PTGR1: variants seen among roughly 807,000 people sequenced by gnomAD.
The protein encoded by PTGR1 is 15-oxoprostaglandin 13-reductase.
In PTGR1, 23 loss-of-function variants were observed where a neutral mutation model predicts 37.7. The observed-to-expected ratio is 0.61, with a 90% CI of 0.44 to 0.86. The LOEUF is 0.86. Ranked by LOEUF, PTGR1 falls within the 40% of genes least tolerant of loss-of-function variation. The pLI, the probability that PTGR1 is intolerant of heterozygous loss-of-function variation, is 0.00. For missense variants in PTGR1, 351 were observed against 394.3 expected (o/e 0.89, Z 0.93); for synonymous variants, 134 against 140.0 (o/e 0.96, Z 0.30).
chr9:111,575,787 A>G (rs934593417), intron 7 of PTGR1, among the ~76,000 whole-genome samples: 3 of 152,234 alleles, frequency 2.0e-5, no homozygotes, highest in Non-Finnish European at 4.4e-5. Flanking sequence ...CTAAAACTAT[A>G]AAACTCTTAG....
chr9:111,591,584 G>C (rs1281944362), intron 4 of PTGR1, among the ~76,000 whole-genome samples: 1 of 151,668 alleles, frequency 6.6e-6, no homozygotes, highest in Non-Finnish European at 1.5e-5. Context: ...TGGCCAGGCT[G>C]GTCTCGAACT....
chr9:111,578,879 C>T lies in PTGR1; in HGVS notation c.568G>A (p.Val190Ile), dbSNP rs201572502. Residue 190 changes from valine to isoleucine, a missense_variant, in exon 7 of 10, where the codon GTC (valine) becomes ATC (isoleucine). Coordinates refer to ENST00000407693, the MANE Select transcript of PTGR1 (RefSeq NM_001146108.2). ...AYLQKLGFDV[V>I]FNYKTVESLE... ...GACTCTACCGTCTTGTAGTTAAAGA[C>T]GACATCAAATCCAAGCTTTTGAAGG... 6.5e-5 allele frequency: 105 copies of T among 1,612,096 alleles called. No individual in the cohort carries two copies. Among genetic ancestry groups the T allele is most frequent in the African/African-American group, 4.4e-4 (33 of 74,380 alleles).
intron 4 of PTGR1, 186 bp downstream of exon 4, chr9:111,592,740 C>T: frequency 2.8e-6 from 2 of 712,174 alleles, no homozygotes; most frequent in Non-Finnish European, 4.2e-6. Flanking sequence ...ATGACAATTT[C>T]ACATCCTTCC....
chr9:111,572,896 G>A (rs905148770), intron 8 of PTGR1, among the ~76,000 whole-genome samples: 5 of 151,888 alleles, frequency 3.3e-5, no homozygotes, highest in Non-Finnish European at 7.4e-5. Context: ...TTCTGGATTT[G>A]TGCGTGTTGA....
chr9:111,568,428 G>T (rs1828671063), intron 9 of PTGR1, among the ~76,000 whole-genome samples: 2 of 152,110 alleles, frequency 1.3e-5, no homozygotes, highest in African/African-American at 4.8e-5. Flanking sequence ...TGGTCAGACT[G>T]GTTCTCTGCT....
intron 1 of PTGR1, 112 bp from the exon 2 acceptor site, chr9:111,597,544 CATT>C: frequency 1.5e-6 from 1 of 645,302 alleles, no homozygotes; most frequent in Non-Finnish European, 2.7e-6. Context: ...CAAATCCCAT[CATT>C]ATCATATCAT....
intron 5 of PTGR1, among the ~76,000 whole-genome samples, chr9:111,584,123 T>C (rs924575754): frequency 6.6e-5 from 10 of 152,154 alleles, no homozygotes; most frequent in African/African-American, 2.4e-4. Flanking sequence ...ATGTCAAAGT[T>C]AGCTTGCAGG....
chr9:111,556,560 C>T (rs1012051978), intron 9 of PTGR1, among the ~76,000 whole-genome samples: 6 of 152,256 alleles, frequency 3.9e-5, no homozygotes, highest in Non-Finnish European at 7.3e-5. Context: ...TCCCAAACCT[C>T]AACTCTTGTC....
At chr9:111,580,040 G>GA (rs1453746104) in intron 6 of PTGR1, among the ~76,000 whole-genome samples, 1 of 152,106 alleles carries the variant, frequency 6.6e-6, no homozygotes, top group South Asian at 2.1e-4. Flanking sequence ...CATGATTCCA[G>GA]AAAAAACTAT....
intron 4 of PTGR1, among the ~76,000 whole-genome samples, 178 bp from the exon 5 acceptor site, chr9:111,586,343 A>C (rs950220494): frequency 1.3e-5 from 2 of 152,160 alleles, no homozygotes; most frequent in Non-Finnish European, 2.9e-5. Context: ...GTCACCAGAG[A>C]ACTCTCAACT....
chr9:111,579,041 C>A, intron 6 of PTGR1, 90 bp from the exon 7 acceptor site: 1 of 1,267,876 alleles, frequency 7.9e-7, no homozygotes. Flanking sequence ...CCTAGGTTCC[C>A]TAGGAACACT....
Position 111,594,546 on chromosome 9 carries a change from A to ATCCTT in PTGR1, c.107-280_107-279insAAGGA, listed in dbSNP as rs528901452. On this transcript the variant is annotated intron_variant, in intron 2 of 9. Transcript: ENST00000407693. ...AAGGCCTGATGCCTTCGTTTTTGGC[A>ATCCTT]TTCTTTTTTTTTTTTTTTTTTTGAG... 5.9e-4 allele frequency among the ~76,000 whole-genome samples: 75 copies of ATCCTT among 127,404 alleles called. 5 individuals are homozygous for ATCCTT. The highest frequency in any genetic ancestry group is 6.8e-4 in the African/African-American group (23 of 34,044). The allele number at this position is 127,404 out of a possible 152,430, so 83.6% of individuals were successfully genotyped here. A position where few individuals can be genotyped will look rare whatever the true frequency, so the allele number is the denominator to read the frequency against.
chr9:111,595,453 T>A (rs1035777676), intron 2 of PTGR1, among the ~76,000 whole-genome samples: 8 of 152,116 alleles, frequency 5.3e-5, no homozygotes, highest in Non-Finnish European at 1.0e-4. Flanking sequence ...CCAGCCCCAG[T>A]TGGTGTGAGA....
At chr9:111,574,657 C>A in intron 8 of PTGR1, 77 bp downstream of exon 8, 1 of 843,418 alleles carries the variant, frequency 1.2e-6, no homozygotes, top group Non-Finnish European at 1.8e-6. Flanking sequence ...TTCAGAGTCA[C>A]TGGCCTATGG....
chr9:111,585,485 TAAG>T (rs1457870071), intron 5 of PTGR1, among the ~76,000 whole-genome samples: 6 of 152,204 alleles, frequency 3.9e-5, no homozygotes, highest in Non-Finnish European at 7.3e-5. Context: ...TAATTGAATG[TAAG>T]AAGGTATTAA....
intron 9 of PTGR1, among the ~76,000 whole-genome samples, chr9:111,550,066 T>TTG (rs140245928): frequency 0.018 from 2,710 of 152,246 alleles, 84 homozygotes; most frequent in African/African-American, 0.062. Context: ...GTTTTTTGTG[T>TTG]TGTGTGTTTT....
At chr9:111,596,884 G>A (rs1829796560) in intron 2 of PTGR1, among the ~76,000 whole-genome samples, 1 of 132,310 alleles carries the variant, frequency 7.6e-6, no homozygotes, top group Admixed American at 8.6e-5. Context: ...CCAAAATCAT[G>A]CCACTGCACT....
chr9:111,564,487 G>A (rs1327602774), intron 9 of PTGR1, among the ~76,000 whole-genome samples: 1 of 151,502 alleles, frequency 6.6e-6, no homozygotes, highest in African/African-American at 2.4e-5. Flanking sequence ...TTTAGTTTTT[G>A]TAGAGACGGG....
At position 111,572,569 on chromosome 9, in the gene PTGR1, G is replaced by A. The variant is rs192710950; in HGVS notation, c.760+2165C>T. ...CGTGCCATTGCACTCCAGCCTGGGCGACAGAGTGAGACTCTGTCTCAAAAC... is the reference window on the plus strand; with the variant it reads ...CGTGCCATTGCACTCCAGCCTGGGCAACAGAGTGAGACTCTGTCTCAAAAC... On this transcript the variant is annotated intron_variant, in intron 8 of 9. Transcript: ENST00000407693. Among the ~76,000 whole-genome samples, 549 of 150,646 alleles carry A rather than the reference G, an allele frequency of 3.6e-3. 14 individuals are homozygous for A. The highest frequency in any genetic ancestry group is 0.032 in the Admixed American group (484 of 15,148).
Sources: gnomAD v4.1 joint callset for allele counts (sites outside exome capture counted in the v4.1 genomes callset) on GRCh38, gnomAD v4.1.1 for gene constraint, MANE v1.5 for transcripts, NCBI Gene and HGNC (gene_info 2026-07-23, HGNC 2026-07-21) for gene names.